The following ZDHHC14 variants were observed in gnomAD, a reference collection of about 807,000 sequenced individuals.
ZDHHC14 encodes the protein zDHHC palmitoyltransferase 14.
In ZDHHC14, 16 loss-of-function variants were observed where a neutral mutation model predicts 47.7. That is an observed-to-expected ratio of 0.34 (90% CI 0.23 to 0.51). The LOEUF is 0.51. ZDHHC14 is among the 20% of genes least tolerant of loss of function. The probability of loss-of-function intolerance (pLI) is 0.97; values close to 1 mark genes in which losing one functional copy is unlikely to be tolerated. For synonymous variants in ZDHHC14, 293 were observed against 278.9 expected (o/e 1.05, Z -0.50); for missense variants, 515 against 662.5 (o/e 0.78, Z 2.44).
intron 3 of ZDHHC14, among the ~76,000 whole-genome samples, chr6:157,600,260 T>C (rs1784289239): frequency 6.6e-6 from 1 of 152,184 alleles, no homozygotes; most frequent in South Asian, 2.1e-4. Context: ...GCAAACTTAA[T>C]CTACCAGTAT....
At chr6:157,622,046 T>C (rs893679169) in intron 3 of ZDHHC14, among the ~76,000 whole-genome samples, 1 of 152,034 alleles carries the variant, frequency 6.6e-6, no homozygotes, top group Non-Finnish European at 1.5e-5. Context: ...CAGCAGATAC[T>C]CAGTAACTGG....
chr6:157,635,861 T>C (rs1776945907), intron 5 of ZDHHC14, among the ~76,000 whole-genome samples: 1 of 152,224 alleles, frequency 6.6e-6, no homozygotes, highest in African/African-American at 2.4e-5. Context: ...TATTTTCCCC[T>C]AAAAATCATT....
chr6:157,539,367 G>A (rs1432191377), intron 1 of ZDHHC14, among the ~76,000 whole-genome samples: 1 of 151,910 alleles, frequency 6.6e-6, no homozygotes, highest in East Asian at 1.9e-4. Context: ...TCATACCACT[G>A]CACTCCAGCC....
chr6:157,664,482 G>A (rs1032036682), intron 8 of ZDHHC14, among the ~76,000 whole-genome samples: 16 of 152,174 alleles, frequency 1.1e-4, no homozygotes, highest in African/African-American at 2.9e-4. Flanking sequence ...AACGTGTGTG[G>A]GTTTGTATTA....
chr6:157,521,047 C>G (rs1415429191), intron 1 of ZDHHC14, among the ~76,000 whole-genome samples: 3 of 152,150 alleles, frequency 2.0e-5, no homozygotes, highest in Non-Finnish European at 4.4e-5. Context: ...TGTAACTGCC[C>G]TATGTGTTTA....
At chr6:157,479,944 C>G (rs368649505) in intron 1 of ZDHHC14, among the ~76,000 whole-genome samples, 4 of 152,298 alleles carry the variant, frequency 2.6e-5, no homozygotes, top group Admixed American at 1.3e-4. Context: ...GTTAGACTCT[C>G]CTCACACAAA....
At chr6:157,579,190 G>GTTTTTTTTGTTTTTTT (rs1783419487) in intron 2 of ZDHHC14, among the ~76,000 whole-genome samples, 1 of 63,948 alleles carries the variant, frequency 1.6e-5, no homozygotes. Context: ...TTGATTCTGT[G>GTTTTTTTTGTTTTTTT]TTTTTTTTTT....
At chr6:157,437,968 G>A (rs1462568935) in intron 1 of ZDHHC14, among the ~76,000 whole-genome samples, 1 of 151,766 alleles carries the variant, frequency 6.6e-6, no homozygotes, top group Non-Finnish European at 1.5e-5. Flanking sequence ...TTTCTAAATA[G>A]GTATAAAGCT....
chr6:157,400,192 C>G (rs1436982002), intron 1 of ZDHHC14, among the ~76,000 whole-genome samples: 1 of 152,176 alleles, frequency 6.6e-6, no homozygotes, highest in Non-Finnish European at 1.5e-5. Context: ...AGGTCCCACT[C>G]ACAGACAGTG....
chr6:157,381,365 A>G lies in ZDHHC14; in HGVS notation c.-657A>G, dbSNP rs1327143470. 4 of 167,620 alleles carry G rather than the reference A, an allele frequency of 2.4e-5. No individual in the cohort carries two copies. The highest frequency in any genetic ancestry group is 5.2e-5 in the Non-Finnish European group (4 of 76,626). 10.4% of individuals were successfully genotyped at this position (167,620 alleles called of 1,614,324 possible). On this transcript the variant is annotated 5_prime_UTR_variant, in exon 1 of 9. Coordinates refer to ENST00000359775, the MANE Select transcript of ZDHHC14 (RefSeq NM_024630.3). ...CGGATTCGACTAGGCTGCCAGGCGC[A>G]GCGACACCGGGTCGCGGTGCGAGCG... is the stretch of plus-strand genomic sequence containing the variant.
intron 1 of ZDHHC14, among the ~76,000 whole-genome samples, chr6:157,437,176 G>A (rs541603698): frequency 6.6e-6 from 1 of 152,216 alleles, no homozygotes; most frequent in Non-Finnish European, 1.5e-5. Context: ...CTCTGCATCC[G>A]TGAGAGCACT....
In ZDHHC14 at chr6:157,427,887, T is replaced by A. The variant is rs139072280; in HGVS notation, c.245+45621T>A. On this transcript the variant is annotated intron_variant, in intron 1 of 8. Transcript: ENST00000359775. This position sits in a 1 kb window ranked among gnomAD's most constrained non-coding sequence, Gnocchi z 4.4. ...TCTTCATCTTTTCTCAGTAACAGCA[T>A]AAAGGATGAATCTAATAAATCACAA... Among the ~76,000 whole-genome samples the A allele has an allele frequency of 6.6e-6, 1 of 152,158 alleles. No individual in the cohort carries two copies. The highest frequency in any genetic ancestry group is 2.4e-5 in the African/African-American group (1 of 41,486).
rs2114759119 is a variant in ZDHHC14 at position 157,412,194 on chromosome 6, C to T, written c.245+29928C>T. 1.3e-5 allele frequency among the ~76,000 whole-genome samples: 2 copies of T among 152,212 alleles called. 1 individual carries two copies. The highest frequency in any genetic ancestry group is 1.3e-4 in the Admixed American group (2 of 15,296). On this transcript the variant is annotated intron_variant, in intron 1 of 8. Coordinates refer to ENST00000359775, the MANE Select transcript of ZDHHC14 (RefSeq NM_024630.3). ...CCTCAAGTGATCTGCTCTCCTCAGC[C>T]TCCCAAAGTGCTGGGATTACAGACG...
intron 3 of ZDHHC14, among the ~76,000 whole-genome samples, chr6:157,617,383 G>A (rs557826543): frequency 3.9e-5 from 6 of 152,122 alleles, no homozygotes; most frequent in South Asian, 4.2e-4. Context: ...GAGGGTCCTC[G>A]TTCTTTTTGA....
In ZDHHC14 at chr6:157,645,845, T is replaced by A. The variant is rs2271070; in HGVS notation, c.855+6T>A. 782 of 1,613,130 alleles carry A rather than the reference T, an allele frequency of 4.8e-4. 6 individuals are homozygous for A. In the East Asian group the frequency reaches 6.5e-3, roughly 13 times the overall value. On this transcript the variant is annotated splice_donor_region_variant and intron_variant, in intron 6 of 8. Coordinates refer to ENST00000359775, the MANE Select transcript of ZDHHC14 (RefSeq NM_024630.3). ...ACCAGACAACAAATGAGGACGTAAG[T>A]TCCTGACCACACGGGACACGGGCGT...
At chr6:157,603,926 A>G (rs903804746) in intron 3 of ZDHHC14, among the ~76,000 whole-genome samples, 1 of 152,204 alleles carries the variant, frequency 6.6e-6, no homozygotes, top group Non-Finnish European at 1.5e-5. Flanking sequence ...CCACCTCAAG[A>G]GGGAGAGAAG....
chr6:157,466,099 C>T (rs1226376249), intron 1 of ZDHHC14, among the ~76,000 whole-genome samples: 1 of 152,076 alleles, frequency 6.6e-6, no homozygotes, highest in Non-Finnish European at 1.5e-5. Context: ...CAGGCGGGCC[C>T]CACAGCCTGA....
At chr6:157,525,722 T>A (rs1391872553) in intron 1 of ZDHHC14, among the ~76,000 whole-genome samples, 1 of 152,150 alleles carries the variant, frequency 6.6e-6, no homozygotes, top group African/African-American at 2.4e-5. Flanking sequence ...GACTCTTCCC[T>A]GTAGGGCCTC....
intron 1 of ZDHHC14, among the ~76,000 whole-genome samples, chr6:157,407,298 C>G (rs1360835520): frequency 6.6e-6 from 1 of 152,150 alleles, no homozygotes; most frequent in Non-Finnish European, 1.5e-5. Context: ...GTGAGTGGGA[C>G]CCTGCCGTCC....
Sources: allele counts gnomAD v4.1 joint callset (sites outside exome capture counted in the v4.1 genomes callset), GRCh38; gene constraint gnomAD v4.1.1; non-coding constraint Gnocchi (gnomAD v3.1); transcripts MANE v1.5; gene names NCBI Gene and HGNC (gene_info 2026-07-23, HGNC 2026-07-21).